KLF12: variants seen among roughly 807,000 people sequenced by gnomAD.
The protein encoded by KLF12 is Krueppel-like factor 12.
A neutral mutation model predicts 37.8 loss-of-function variants in KLF12; 9 were observed. The ratio of observed to expected loss-of-function variants is 0.24; its 90% CI spans 0.14 to 0.42. The LOEUF (loss-of-function observed/expected upper bound fraction) is 0.42. KLF12 is among the 10% of genes least tolerant of loss of function. The probability of loss-of-function intolerance (pLI) is 1.00; values close to 1 mark genes in which losing one functional copy is unlikely to be tolerated. For synonymous variants in KLF12, 208 were observed against 202.1 expected (o/e 1.03, Z -0.25); for missense variants, 411 against 516.0 (o/e 0.80, Z 1.97).
chr13:74,207,868 T>C, the KLF12 span, among the ~76,000 whole-genome samples: 1 of 152,156 alleles, frequency 6.6e-6, no homozygotes, highest in African/African-American at 2.4e-5. Context: ...CACCTGAGCC[T>C]ACGGTGAAAA....
chr13:73,805,135 T>C (rs1882490497), intron 5 of KLF12, among the ~76,000 whole-genome samples: 1 of 152,198 alleles, frequency 6.6e-6, no homozygotes, highest in Non-Finnish European at 1.5e-5. Context: ...CCCAAGATTT[T>C]CTTTGAATAT....
intron 2 of KLF12, among the ~76,000 whole-genome samples, chr13:73,963,284 T>TACACACACACACAC (rs10543490): frequency 1.4e-5 from 2 of 145,164 alleles, no homozygotes; most frequent in African/African-American, 5.1e-5. Context: ...GAGTCATTTA[T>TACACACACACACAC]ACACACACAC....
At chr13:74,095,936 C>T (rs1875957651) in intron 1 of KLF12, among the ~76,000 whole-genome samples, 1 of 152,156 alleles carries the variant, frequency 6.6e-6, no homozygotes, top group Non-Finnish European at 1.5e-5. Flanking sequence ...TAGAAACACA[C>T]ATCCTATATC....
At chr13:73,710,378 CTGTGTGTGTGTG>C (rs59799453) in intron 7 of KLF12, among the ~76,000 whole-genome samples, 8,337 of 143,962 alleles carry the variant, frequency 0.058, 344 homozygotes, top group African/African-American at 0.11. Flanking sequence ...AAGATATTGT[CTGTGTGTGTGTG>C]TGTGTGTGTG....
intron 1 of KLF12, among the ~76,000 whole-genome samples, chr13:74,119,656 G>C (rs1277814846): frequency 6.6e-6 from 1 of 152,092 alleles, no homozygotes; most frequent in Non-Finnish European, 1.5e-5. Flanking sequence ...AAATTATTCA[G>C]ACTAAAACTT....
chr13:74,041,142 C>T (rs1045943860), intron 1 of KLF12, among the ~76,000 whole-genome samples: 6 of 152,278 alleles, frequency 3.9e-5, no homozygotes, highest in Admixed American at 6.5e-5. Flanking sequence ...CTTAGCACTC[C>T]GCTCACATCA....
chr13:74,183,807 C>T, the KLF12 span, among the ~76,000 whole-genome samples: 2 of 152,216 alleles, frequency 1.3e-5, no homozygotes, highest in Middle Eastern at 3.4e-3. Context: ...CATGGTGGCA[C>T]ATGCCTGTAA....
intron 2 of KLF12, among the ~76,000 whole-genome samples, chr13:73,984,802 G>T (rs919987565): frequency 6.6e-6 from 1 of 152,188 alleles, no homozygotes; most frequent in Admixed American, 6.5e-5. Flanking sequence ...GATTCCTCCA[G>T]TTTGAAGATG....
chr13:73,952,375 G>C (rs1382711899), intron 2 of KLF12, among the ~76,000 whole-genome samples: 3 of 152,176 alleles, frequency 2.0e-5, no homozygotes, highest in East Asian at 1.9e-4. Context: ...CAGAGGAAGA[G>C]AGCGAAGGGG....
the KLF12 span, among the ~76,000 whole-genome samples, chr13:74,249,986 T>C: frequency 6.6e-6 from 1 of 152,178 alleles, no homozygotes; most frequent in Non-Finnish European, 1.5e-5. Flanking sequence ...AAAATAGTCT[T>C]GCTGGAGATG....
intron 1 of KLF12, among the ~76,000 whole-genome samples, chr13:74,039,315 G>A (rs985568332): frequency 9.9e-5 from 15 of 152,054 alleles, no homozygotes; most frequent in African/African-American, 3.4e-4. Flanking sequence ...GAAGCAGGAG[G>A]AGTGCTTGAG....
chr13:74,080,558 T>C (rs76231070), intron 1 of KLF12, among the ~76,000 whole-genome samples: 1,879 of 151,330 alleles, frequency 0.012, 35 homozygotes, highest in African/African-American at 0.042. Context: ...GTTAGATAAG[T>C]AAATAAAAGA....
intron 7 of KLF12, among the ~76,000 whole-genome samples, chr13:73,700,423 C>T (rs1172046301): frequency 2.6e-5 from 4 of 151,528 alleles, no homozygotes; most frequent in Non-Finnish European, 5.9e-5. Flanking sequence ...TATCAGAAAA[C>T]AGTAATTTAA....
intron 1 of KLF12, among the ~76,000 whole-genome samples, chr13:74,083,814 A>C (rs1247868517): frequency 6.6e-6 from 1 of 152,230 alleles, no homozygotes. Flanking sequence ...AGTCTAGGCA[A>C]AAAGTCTCTT....
chr13:73,717,962 C>G (rs1875940285), intron 6 of KLF12, among the ~76,000 whole-genome samples: 1 of 151,498 alleles, frequency 6.6e-6, no homozygotes, highest in Non-Finnish European at 1.5e-5. Flanking sequence ...CTTTTATTTC[C>G]TGAAAAAAAG....
At chr13:74,118,946 AG>A (rs1281073312) in intron 1 of KLF12, among the ~76,000 whole-genome samples, 1 of 152,224 alleles carries the variant, frequency 6.6e-6, no homozygotes, top group Non-Finnish European at 1.5e-5. Context: ...AACAAATAAA[AG>A]GAAGACAATA....
At chr13:73,965,323 T>C (rs1356967483) in intron 2 of KLF12, among the ~76,000 whole-genome samples, 1 of 152,190 alleles carries the variant, frequency 6.6e-6, no homozygotes, top group East Asian at 1.9e-4. Flanking sequence ...CTAAAGACTT[T>C]GGGGCAAAAT....
chr13:73,891,960 C>T (rs1425281862), intron 3 of KLF12, among the ~76,000 whole-genome samples: 2 of 152,076 alleles, frequency 1.3e-5, no homozygotes, highest in African/African-American at 4.8e-5. Context: ...CACCAACCTT[C>T]CAGAAAACTG....
At chr13:74,267,332 T>A in the KLF12 span, among the ~76,000 whole-genome samples, 1 of 152,194 alleles carries the variant, frequency 6.6e-6, no homozygotes, top group African/African-American at 2.4e-5. Flanking sequence ...ATAGCCAAGA[T>A]GTGGAAGCAA....
Sources: gnomAD v4.1 joint callset for allele counts (sites outside exome capture counted in the v4.1 genomes callset) on GRCh38, gnomAD v4.1.1 for gene constraint, MANE v1.5 for transcripts, NCBI Gene and HGNC (gene_info 2026-07-23, HGNC 2026-07-21) for gene names.